RANGAP1: variants seen among roughly 807,000 people sequenced by gnomAD.
RANGAP1 encodes ran GTPase-activating protein 1.
RANGAP1 carries 38 observed loss-of-function variants against 63.5 expected under a neutral mutation model. The ratio of observed to expected loss-of-function variants is 0.60; its 90% CI spans 0.46 to 0.78. The LOEUF (loss-of-function observed/expected upper bound fraction) is 0.78. RANGAP1 is among the 30% of genes least tolerant of loss of function. The pLI, the probability that RANGAP1 is intolerant of heterozygous loss-of-function variation, is 0.00. For synonymous variants in RANGAP1, 329 were observed against 310.5 expected (o/e 1.06, Z -0.63); for missense variants, 630 against 740.3 (o/e 0.85, Z 1.73).
upstream of RANGAP1, among the ~76,000 whole-genome samples, chr22:41,289,146 C>T (rs755422276): frequency 9.9e-4 from 150 of 151,782 alleles, no homozygotes; most frequent in Middle Eastern, 3.4e-3. Context: ...GTCTCAAACT[C>T]CTGACCTGGT....
chr22:41,267,808 G>A (rs2034570594), intron 4 of RANGAP1, among the ~76,000 whole-genome samples: 1 of 152,188 alleles, frequency 6.6e-6, no homozygotes, highest in Non-Finnish European at 1.5e-5. Flanking sequence ...GAAATCCACA[G>A]TCAACCAAGC....
chr22:41,293,968 A>G, the RANGAP1 span, among the ~76,000 whole-genome samples: 4 of 151,828 alleles, frequency 2.6e-5, no homozygotes, highest in Non-Finnish European at 5.9e-5. Context: ...TGGCCCACCT[A>G]ACTTTTTCGT....
At chr22:41,279,658 C>G (rs892843634) in intron 2 of RANGAP1, among the ~76,000 whole-genome samples, 1 of 151,372 alleles carries the variant, frequency 6.6e-6, no homozygotes, top group Non-Finnish European at 1.5e-5. Context: ...AAAAATTAGC[C>G]AGGCGTGATG....
At chr22:41,279,675 G>A (rs976397048) in intron 2 of RANGAP1, among the ~76,000 whole-genome samples, 12 of 151,812 alleles carry the variant, frequency 7.9e-5, no homozygotes, top group African/African-American at 2.9e-4. Context: ...GATGGTGTGA[G>A]CCTGCAGTCC....
chr22:41,246,468 G>T lies in RANGAP1; in HGVS notation c.*135C>A. ...CACACACATACTCAGGGGACTGACA[G>T]GACACATGGGACACAGACCCGCCCT... On this transcript the variant is annotated 3_prime_UTR_variant, in exon 16 of 16. Coordinates refer to ENST00000356244, the MANE Select transcript of RANGAP1 (RefSeq NM_002883.4). The T allele has an allele frequency of 1.1e-6, 1 of 884,578 alleles. No homozygotes were observed. The highest frequency in any genetic ancestry group is 1.7e-6 in the Non-Finnish European group (1 of 573,472). 54.8% of individuals were successfully genotyped at this position (884,578 alleles called of 1,614,324 possible). A position where few individuals can be genotyped will look rare whatever the true frequency, so the allele number is the denominator to read the frequency against.
At chr22:41,258,847 G>T (rs756113143) in intron 6 of RANGAP1, among the ~76,000 whole-genome samples, 23 of 152,098 alleles carry the variant, frequency 1.5e-4, no homozygotes, top group Non-Finnish European at 3.1e-4. Context: ...AGAGATGGAG[G>T]TTTCACCATG....
chr22:41,296,927 C>T, the RANGAP1 span, among the ~76,000 whole-genome samples: 2 of 151,986 alleles, frequency 1.3e-5, no homozygotes, highest in African/African-American at 4.8e-5. Context: ...AATTAATGTC[C>T]CGACTGGGCG....
Position 41,280,949 on chromosome 22 carries a change from G to T in RANGAP1, c.96C>A (p.Leu32=). The change falls in exon 2 of 16, where the codon CTC becomes CTA. Residue 32 remains leucine (L), a synonymous_variant. Coordinates refer to ENST00000356244, the MANE Select transcript of RANGAP1 (RefSeq NM_002883.4). ...QLSFKGKSLK[L]NTAEDAKDVI... The stretch of plus-strand genomic sequence containing the variant: ...GAAACTCACCATCTTCTGCAGTGTT[G>T]AGTTTGAGGCTCTTGCCTTTGAAAC... 2 of 1,613,998 alleles carry T rather than the reference G, an allele frequency of 1.2e-6. No individual in the cohort carries two copies. The highest frequency in any genetic ancestry group is 1.7e-6 in the Non-Finnish European group (2 of 1,180,034).
At chr22:41,295,063 C>G in the RANGAP1 span, among the ~76,000 whole-genome samples, 2 of 146,740 alleles carry the variant, frequency 1.4e-5, no homozygotes, top group Admixed American at 1.3e-4. Flanking sequence ...CCGCCCTATC[C>G]GGGAGGGAGG....
chr22:41,281,149 G>A, intron 1 of RANGAP1, 67 bp from the exon 2 acceptor site: 1 of 1,417,544 alleles, frequency 7.1e-7, no homozygotes, highest in Non-Finnish European at 9.3e-7. Flanking sequence ...GGCAGGGTAG[G>A]ACATCAGCCA....
At chr22:41,301,225 C>T in the RANGAP1 span, among the ~76,000 whole-genome samples, 2 of 151,826 alleles carry the variant, frequency 1.3e-5, no homozygotes, top group Non-Finnish European at 2.9e-5. Flanking sequence ...ACCTGGAAGC[C>T]GGAGAAGGGG....
At chr22:41,293,028 G>A in the RANGAP1 span, among the ~76,000 whole-genome samples, 1 of 151,794 alleles carries the variant, frequency 6.6e-6, no homozygotes, top group Non-Finnish European at 1.5e-5. Context: ...GAGGTCAGGA[G>A]ATTGAGACCA....
At chr22:41,294,887 G>C in the RANGAP1 span, among the ~76,000 whole-genome samples, 2 of 79,364 alleles carry the variant, frequency 2.5e-5, no homozygotes, top group African/African-American at 5.5e-5. Context: ...AGGTGGGGGG[G>C]TGAGCCCCCC....
intron 6 of RANGAP1, 82 bp from the exon 7 acceptor site, chr22:41,258,188 G>C (rs1189006169): frequency 5.4e-6 from 8 of 1,475,532 alleles, no homozygotes; most frequent in African/African-American, 1.4e-5. Context: ...CCACACAGCA[G>C]GCACAGGAAT....
intron 15 of RANGAP1, among the ~76,000 whole-genome samples, chr22:41,248,313 G>A (rs1038991541): frequency 6.6e-6 from 1 of 152,240 alleles, no homozygotes; most frequent in African/African-American, 2.4e-5. Context: ...TCCAGCTGCA[G>A]CCCAAGGGGT....
At chr22:41,300,321 G>T in the RANGAP1 span, among the ~76,000 whole-genome samples, 3 of 151,010 alleles carry the variant, frequency 2.0e-5, no homozygotes, top group Non-Finnish European at 4.4e-5. Flanking sequence ...AATCCAACTG[G>T]CCTCAGCATC....
chr22:41,282,384 A>T (rs1481697811), intron 1 of RANGAP1: 2 of 152,128 alleles, frequency 1.3e-5, no homozygotes, highest in African/African-American at 4.8e-5. Context: ...CAGTGGCGCC[A>T]TCTGGGCTCA....
At chr22:41,285,636 C>G in intron 1 of RANGAP1, 1 of 985,438 alleles carries the variant, frequency 1.0e-6, no homozygotes, top group African/African-American at 1.7e-5. Context: ...CGAATACAGG[C>G]CGCAAATGAT....
At chr22:41,260,104 CAT>C (rs2034077679) in intron 6 of RANGAP1, among the ~76,000 whole-genome samples, 2 of 151,942 alleles carry the variant, frequency 1.3e-5, no homozygotes. Flanking sequence ...TTATTGTCTA[CAT>C]TTATAATCAA....
Sources: allele counts gnomAD v4.1 joint callset (sites outside exome capture counted in the v4.1 genomes callset), GRCh38; gene constraint gnomAD v4.1.1; transcripts MANE v1.5; gene names NCBI Gene and HGNC (gene_info 2026-07-23, HGNC 2026-07-21).